KCNMA1: variants seen among roughly 807,000 people sequenced by gnomAD.
KCNMA1 encodes the protein potassium calcium-activated channel subfamily M alpha 1.
A neutral mutation model predicts 140.0 loss-of-function variants in KCNMA1; 29 were observed. That is an observed-to-expected ratio of 0.21 (90% confidence interval 0.15 to 0.28). KCNMA1 has a LOEUF of 0.28. KCNMA1 is among the 10% of genes least tolerant of loss of function. The pLI, the probability that KCNMA1 is intolerant of heterozygous loss-of-function variation, is 1.00. For synonymous variants in KCNMA1, 612 were observed against 611.9 expected (o/e 1.00, Z 0.00); for missense variants, 880 against 1,602.2 (o/e 0.55, Z 7.70).
chr10:77,042,234 T>G (rs2094758654), intron 14 of KCNMA1, among the ~76,000 whole-genome samples: 1 of 145,176 alleles, frequency 6.9e-6, no homozygotes, highest in Non-Finnish European at 1.6e-5. Context: ...AAAAATTAAC[T>G]GCAATGTGTT....
At chr10:77,384,991 T>C (rs2095552973) in intron 2 of KCNMA1, among the ~76,000 whole-genome samples, 3 of 152,226 alleles carry the variant, frequency 2.0e-5, no homozygotes, top group Non-Finnish European at 2.9e-5. Context: ...ACCTAAGCTA[T>C]TAAAGATTCT....
intron 2 of KCNMA1, among the ~76,000 whole-genome samples, chr10:77,394,055 T>C (rs1246256863): frequency 6.6e-6 from 1 of 152,186 alleles, no homozygotes; most frequent in African/African-American, 2.4e-5. Flanking sequence ...CATAGATGGA[T>C]GGGCAGACAG....
rs370287693 is a variant in KCNMA1, at chr10:77,351,369, G to A, written c.540+52493C>T. ...TGGAAACCAGAATTTCTGATTTGTGGAAAATTCTATAGATATTCTCTGCCA... is the reference window on the plus strand; with the variant it reads ...TGGAAACCAGAATTTCTGATTTGTGAAAAATTCTATAGATATTCTCTGCCA... On this transcript the variant is annotated intron_variant, in intron 2 of 27. Transcript: ENST00000286628. Among the ~76,000 whole-genome samples, 29 of 152,288 alleles carry A rather than the reference G, an allele frequency of 1.9e-4. No individual in the cohort carries two copies. In the South Asian group the frequency reaches 6.0e-3, roughly 32 times the overall value.
intron 17 of KCNMA1, among the ~76,000 whole-genome samples, chr10:77,018,260 G>T (rs1413867373): frequency 3.3e-5 from 5 of 152,150 alleles, no homozygotes; most frequent in Non-Finnish European, 7.3e-5. Flanking sequence ...AATTAATAAT[G>T]TACTTAAAAT....
At chr10:77,612,245 A>G (rs2087224395) in intron 1 of KCNMA1, among the ~76,000 whole-genome samples, 1 of 152,236 alleles carries the variant, frequency 6.6e-6, no homozygotes, top group African/African-American at 2.4e-5. Flanking sequence ...CATGGTCACG[A>G]AACTGGCTGA....
chr10:77,124,000 A>C (rs2574788), intron 5 of KCNMA1, among the ~76,000 whole-genome samples: 134,900 of 152,058 alleles, frequency 0.89, 59,931 homozygotes, highest in African/African-American at 0.95. Context: ...CAACTTAAAC[A>C]TTATGAATTG....
intron 18 of KCNMA1, among the ~76,000 whole-genome samples, chr10:77,005,787 T>C: frequency 6.6e-6 from 1 of 152,342 alleles, no homozygotes; most frequent in East Asian, 1.9e-4. Context: ...CATAACTTCA[T>C]AGTACTATTT....
At chr10:77,580,056 T>C (rs2075394155) in intron 1 of KCNMA1, among the ~76,000 whole-genome samples, 2 of 152,050 alleles carry the variant, frequency 1.3e-5, no homozygotes, top group African/African-American at 2.4e-5. Context: ...ACAAAAACCT[T>C]CAATGTCTAC....
rs772878572 is a variant in KCNMA1 at position 77,082,002 on chromosome 10, C to CTTTTTTTTT, written c.1524-2453_1524-2452insAAAAAAAAA. On this transcript the variant is annotated intron_variant, in intron 12 of 27. Transcript: ENST00000286628. ...CCTTTGACCAGTAATTTCTTTTTTT[C>CTTTTTTTTT]TTTTCTTTTTTTTTTTTTTTTTTTT... Among the ~76,000 whole-genome samples, 65 of 51,670 alleles carry CTTTTTTTTT rather than the reference C, an allele frequency of 1.3e-3. 9 individuals are homozygous for CTTTTTTTTT. Among genetic ancestry groups the CTTTTTTTTT allele is most frequent in the Non-Finnish European group, 1.4e-3 (30 of 21,708 alleles). The allele number at this position is 51,670 out of a possible 152,430, so 33.9% of individuals were successfully genotyped here.
intron 5 of KCNMA1, among the ~76,000 whole-genome samples, chr10:77,154,996 G>A (rs970782278): frequency 6.6e-5 from 10 of 152,304 alleles, no homozygotes; most frequent in Middle Eastern, 3.4e-3. Flanking sequence ...ATCAGGGGAC[G>A]CAGGGGCAAG....
chr10:77,032,107 C>T (rs755361794), intron 15 of KCNMA1, among the ~76,000 whole-genome samples: 1 of 152,138 alleles, frequency 6.6e-6, no homozygotes, highest in Non-Finnish European at 1.5e-5. Flanking sequence ...TGCCTTCAAT[C>T]CACAATGCCA....
chr10:77,488,385 C>A (rs900411557), intron 1 of KCNMA1, among the ~76,000 whole-genome samples: 30 of 152,184 alleles, frequency 2.0e-4, no homozygotes, highest in African/African-American at 6.8e-4. Context: ...GGGCAGTGGG[C>A]CACCCACCTT....
chr10:77,460,958 T>C (rs75195838), intron 1 of KCNMA1, among the ~76,000 whole-genome samples: 1 of 151,934 alleles, frequency 6.6e-6, no homozygotes, highest in African/African-American at 2.4e-5. Context: ...ATACAAAAAT[T>C]AGCTGGGCGT....
intron 1 of KCNMA1, among the ~76,000 whole-genome samples, chr10:77,529,561 T>TA (rs1305988152): frequency 6.6e-6 from 1 of 152,104 alleles, no homozygotes; most frequent in Non-Finnish European, 1.5e-5. Context: ...TTTACTCTTA[T>TA]ACCCTTAGAG....
At chr10:77,183,657 T>C (rs534771158) in intron 4 of KCNMA1, 125 bp from the exon 5 acceptor site, 1 of 718,332 alleles carries the variant, frequency 1.4e-6, no homozygotes, top group East Asian at 2.7e-5. Flanking sequence ...CGGCTAATTT[T>C]TGTATTTTTA....
intron 1 of KCNMA1, among the ~76,000 whole-genome samples, chr10:77,558,291 C>T (rs191139764): frequency 3.9e-5 from 6 of 152,290 alleles, no homozygotes; most frequent in African/African-American, 1.4e-4. Context: ...CTGGCAGCAT[C>T]TCCCTTAGAG....
intron 1 of KCNMA1, among the ~76,000 whole-genome samples, chr10:77,582,850 T>A (rs2076244350): frequency 6.6e-6 from 1 of 152,228 alleles, no homozygotes; most frequent in Non-Finnish European, 1.5e-5. Flanking sequence ...GACATGCAAC[T>A]GCTTAGCTAT....
At chr10:77,464,335 C>G (rs140053209) in intron 1 of KCNMA1, among the ~76,000 whole-genome samples, 7 of 152,174 alleles carry the variant, frequency 4.6e-5, no homozygotes, top group Admixed American at 1.3e-4. Context: ...CAGGCTGCCC[C>G]CTTCCGCTTT....
chr10:76,982,642 G>A (rs1419691701), intron 19 of KCNMA1, among the ~76,000 whole-genome samples: 5 of 152,028 alleles, frequency 3.3e-5, no homozygotes, highest in African/African-American at 7.3e-5. Flanking sequence ...GAGTGTAAGC[G>A]TTTACATTCC....
Sources: gnomAD v4.1 joint callset for allele counts (sites outside exome capture counted in the v4.1 genomes callset) on GRCh38, gnomAD v4.1.1 for gene constraint, MANE v1.5 for transcripts, NCBI Gene and HGNC (gene_info 2026-07-23, HGNC 2026-07-21) for gene names.